Variants in ZBTB20 observed in about 807,000 individuals in gnomAD.
ZBTB20 encodes the protein zinc finger and BTB domain-containing protein 20.
Under a neutral mutation model 56.9 loss-of-function variants are expected in ZBTB20, and 9 were observed. The observed-to-expected ratio is 0.16, with a 90% CI of 0.10 to 0.28. ZBTB20 has a LOEUF of 0.28. Ranked by LOEUF, ZBTB20 falls within the 10% of genes least tolerant of loss-of-function variation. The pLI, the probability that ZBTB20 is intolerant of heterozygous loss-of-function variation, is 1.00. For missense variants in ZBTB20, 655 were observed against 1,003.0 expected, an observed-to-expected ratio of 0.65 and a Z score of 4.69; for synonymous variants, 417 against 420.7, an observed-to-expected ratio of 0.99 and a Z score of 0.11.
At chr3:114,787,877 T>C (rs1327719653) in intron 5 of ZBTB20, among the ~76,000 whole-genome samples, 5 of 152,140 alleles carry the variant, frequency 3.3e-5, no homozygotes, top group African/African-American at 1.2e-4. Context: ...TCTACCTCCC[T>C]GCCATTAGTT....
intron 1 of ZBTB20, among the ~76,000 whole-genome samples, chr3:115,131,580 A>C (rs558557789): frequency 1.5e-4 from 23 of 152,314 alleles, no homozygotes; most frequent in African/African-American, 5.5e-4. Flanking sequence ...AAACCAAAAA[A>C]TACACATGTT....
At chr3:114,945,040 T>C (rs2076839202) in intron 3 of ZBTB20, among the ~76,000 whole-genome samples, 1 of 145,838 alleles carries the variant, frequency 6.9e-6, no homozygotes, top group Admixed American at 6.6e-5. Context: ...GCTTGATTTA[T>C]TAATTCTACA....
chr3:114,359,077 T>C (rs1025215129), intron 10 of ZBTB20, among the ~76,000 whole-genome samples: 2 of 6,186 alleles, frequency 3.2e-4, no homozygotes, highest in Non-Finnish European at 1.0e-3. Context: ...ACCTCTACTC[T>C]GATTTCTTTT....
At chr3:115,060,489 T>G (rs1421481652) in intron 2 of ZBTB20, among the ~76,000 whole-genome samples, 1 of 152,166 alleles carries the variant, frequency 6.6e-6, no homozygotes, top group East Asian at 1.9e-4. Flanking sequence ...AAGATACTCA[T>G]CACAGGGCAT....
chr3:114,799,912 C>T (rs1194003434), intron 5 of ZBTB20, among the ~76,000 whole-genome samples: 1 of 151,914 alleles, frequency 6.6e-6, no homozygotes, highest in East Asian at 1.9e-4. Context: ...CCAGAACTGT[C>T]TACTGTCAAC....
intron 1 of ZBTB20, among the ~76,000 whole-genome samples, chr3:115,128,259 C>T (rs1176536027): frequency 6.6e-6 from 1 of 151,990 alleles, no homozygotes; most frequent in Non-Finnish European, 1.5e-5. Flanking sequence ...AAGGTGAAAA[C>T]GGGTTTGATT....
chr3:114,793,929 T>C (rs1272759514), intron 5 of ZBTB20, among the ~76,000 whole-genome samples: 2 of 152,012 alleles, frequency 1.3e-5, no homozygotes, highest in Non-Finnish European at 2.9e-5. Flanking sequence ...ATGTAACTAT[T>C]TTTCTTACCC....
chr3:114,606,824 T>C (rs1560027227), intron 6 of ZBTB20, among the ~76,000 whole-genome samples: 2 of 152,276 alleles, frequency 1.3e-5, no homozygotes, highest in African/African-American at 2.4e-5. Context: ...GGCCAGGCAC[T>C]GTGCCTCACT....
chr3:114,798,776 C>A (rs1017439922), intron 5 of ZBTB20, among the ~76,000 whole-genome samples: 1 of 151,754 alleles, frequency 6.6e-6, no homozygotes, highest in Non-Finnish European at 1.5e-5. Context: ...TTATAAAATT[C>A]TTTTATGTCC....
chr3:114,493,673 C>G (rs1399053466), intron 7 of ZBTB20, among the ~76,000 whole-genome samples: 1 of 152,194 alleles, frequency 6.6e-6, no homozygotes, highest in East Asian at 1.9e-4. Flanking sequence ...CAGGTGTCAT[C>G]TCAAATGTTA....
chr3:115,097,888 G>A (rs112792492), intron 1 of ZBTB20, among the ~76,000 whole-genome samples: 5,678 of 152,206 alleles, frequency 0.037, 177 homozygotes, highest in Non-Finnish European at 0.06. Context: ...GATTGTGACA[G>A]TCCCTCCCAG....
chr3:114,421,622 T>TA (rs2089182940), intron 7 of ZBTB20, among the ~76,000 whole-genome samples: 1 of 152,120 alleles, frequency 6.6e-6, no homozygotes, highest in South Asian at 2.1e-4. Context: ...CTGCAGTAGG[T>TA]ATAGGTTATC....
intron 2 of ZBTB20, among the ~76,000 whole-genome samples, chr3:115,050,359 G>T (rs2081498598): frequency 6.6e-6 from 1 of 151,644 alleles, no homozygotes; most frequent in African/African-American, 2.4e-5. Context: ...CATATCTAAA[G>T]CTCCCTTCAA....
chr3:114,865,665 T>C (rs1422299466), intron 4 of ZBTB20, among the ~76,000 whole-genome samples: 2 of 152,182 alleles, frequency 1.3e-5, no homozygotes, highest in African/African-American at 4.8e-5. Context: ...TCTGTAACAT[T>C]ACGAATATGT....
chr3:114,746,680 C>T (rs981400805), intron 5 of ZBTB20, among the ~76,000 whole-genome samples: 1 of 152,112 alleles, frequency 6.6e-6, no homozygotes, highest in African/African-American at 2.4e-5. Flanking sequence ...CTTCATTTTA[C>T]TTTCTGTTAT....
intron 6 of ZBTB20, among the ~76,000 whole-genome samples, chr3:114,606,642 G>C (rs2057176766): frequency 6.6e-6 from 1 of 152,102 alleles, no homozygotes; most frequent in East Asian, 1.9e-4. Context: ...AGGGAGATTA[G>C]GAAACATAAA....
chr3:114,467,090 C>T (rs768138156), intron 7 of ZBTB20, among the ~76,000 whole-genome samples: 16 of 152,148 alleles, frequency 1.1e-4, no homozygotes, highest in Non-Finnish European at 1.9e-4. Context: ...GATAGGAAAG[C>T]ACAAACTGTG....
intron 3 of ZBTB20, among the ~76,000 whole-genome samples, chr3:114,952,042 G>GA (rs1427804316): frequency 6.6e-6 from 1 of 151,926 alleles, no homozygotes; most frequent in African/African-American, 2.4e-5. Context: ...GAGCAATAAA[G>GA]AAAAAAAGTG....
intron 6 of ZBTB20, among the ~76,000 whole-genome samples, chr3:114,686,378 GAAC>G (rs1403699907): frequency 2.0e-5 from 3 of 152,146 alleles, no homozygotes; most frequent in Non-Finnish European, 2.9e-5. Flanking sequence ...GAAATCCAGA[GAAC>G]AACTGAGGAG....
Sources: allele counts gnomAD v4.1 joint callset (sites outside exome capture counted in the v4.1 genomes callset), GRCh38; gene constraint gnomAD v4.1.1; transcripts MANE v1.5; gene names NCBI Gene and HGNC (gene_info 2026-07-23, HGNC 2026-07-21).